The following RANBP17 variants were observed in gnomAD, a reference collection of about 807,000 sequenced individuals.
RANBP17 encodes RAN binding protein 17, also known as ran-binding protein 17.
RANBP17 carries 158 observed loss-of-function variants against 141.2 expected under a neutral mutation model. The ratio of observed to expected loss-of-function variants is 1.12; its 90% CI spans 0.98 to 1.28. The LOEUF is 1.28. Among genes scored for constraint, RANBP17 ranks in the 50% most tolerant of loss-of-function variants. The pLI is 0.00. For missense variants in RANBP17, 1,438 were observed against 1,290.7 expected (o/e 1.11, Z -1.75); for synonymous variants, 430 against 450.0 (o/e 0.96, Z 0.56).
chr5:171,155,767 A>G (rs529433589), intron 14 of RANBP17, among the ~76,000 whole-genome samples: 1 of 152,190 alleles, frequency 6.6e-6, no homozygotes, highest in Non-Finnish European at 1.5e-5. Context: ...TGTGCTTTGA[A>G]CATTGAAGCA....
At chr5:170,952,228 A>T (rs757382992) in intron 12 of RANBP17, among the ~76,000 whole-genome samples, 1 of 152,026 alleles carries the variant, frequency 6.6e-6, no homozygotes, top group Non-Finnish European at 1.5e-5. Context: ...AGCTTCCTAC[A>T]TGAAGTTTTT....
chr5:171,209,953 G>T (rs1168908447), intron 20 of RANBP17, among the ~76,000 whole-genome samples: 1 of 151,896 alleles, frequency 6.6e-6, no homozygotes. Context: ...TGGACGGACG[G>T]ACAGACGGAC....
In RANBP17 at chr5:171,055,478, T is replaced by C. The variant is rs183202211; in HGVS notation, c.1710+87101T>C. 2.6e-5 allele frequency among the ~76,000 whole-genome samples: 4 copies of C among 152,294 alleles called. No homozygotes were observed. The East Asian group carries it at 7.7e-4, about 29-fold the overall frequency. On this transcript the variant is annotated intron_variant, in intron 14 of 27. Coordinates refer to ENST00000523189, the MANE Select transcript of RANBP17 (RefSeq NM_022897.5). ...GATGTATTCTTATACTTGGCCTGAT[T>C]ATTTGTATAAAGTTCAGCAAGAATA...
At chr5:171,286,767 A>G (rs567483943) in intron 25 of RANBP17, among the ~76,000 whole-genome samples, 1 of 152,298 alleles carries the variant, frequency 6.6e-6, no homozygotes, top group South Asian at 2.1e-4. Context: ...AAACCCCCTT[A>G]CTTCCACAAA....
At chr5:171,200,466 G>T (rs1313981285) in intron 19 of RANBP17, among the ~76,000 whole-genome samples, 1 of 152,082 alleles carries the variant, frequency 6.6e-6, no homozygotes, top group Non-Finnish European at 1.5e-5. Flanking sequence ...GGAGGGGGAT[G>T]GGAAGCACAA....
rs537305070 is a variant in RANBP17, at chr5:170,916,493, C to T, written c.863C>T (p.Ser288Leu). 3.8e-6 allele frequency: 6 copies of T among 1,568,594 alleles called. No individual in the cohort carries two copies. In the South Asian group the frequency reaches 4.9e-5, roughly 13 times the overall value. The part of the protein sequence containing the change: ...LALSCLVQFA[S>L]TRRSLFNSPE... ...CTTTCATGTTTAGTTCAGTTTGCTTCGACAAGAAGGTCCTTATTTAACAGT... is the reference window on the plus strand; with the variant it reads ...CTTTCATGTTTAGTTCAGTTTGCTTTGACAAGAAGGTCCTTATTTAACAGT... Residue 288 changes from serine (S) to leucine (L), a missense_variant, in exon 9 of 28, where the codon TCG becomes TTG. By Grantham distance (145) the Ser-to-Leu change is moderately radical. Coordinates refer to ENST00000523189, the MANE Select transcript of RANBP17 (RefSeq NM_022897.5).
chr5:171,282,125 T>A (rs1286702792), intron 25 of RANBP17, among the ~76,000 whole-genome samples: 4 of 152,158 alleles, frequency 2.6e-5, no homozygotes, highest in Non-Finnish European at 1.5e-5. Flanking sequence ...CTATAAATAC[T>A]TGGAAGTTGT....
intron 14 of RANBP17, among the ~76,000 whole-genome samples, chr5:171,026,465 A>G (rs1380515128): frequency 6.6e-6 from 1 of 152,180 alleles, no homozygotes; most frequent in African/African-American, 2.4e-5. Flanking sequence ...TGCAATTTCT[A>G]ATTTTATCAC....
intron 12 of RANBP17, among the ~76,000 whole-genome samples, chr5:170,947,513 G>A (rs1774860719): frequency 6.6e-6 from 1 of 152,132 alleles, no homozygotes; most frequent in Admixed American, 6.6e-5. Flanking sequence ...GGGGGGGATT[G>A]TATTATCTAT....
At chr5:171,026,340 G>A (rs1781232655) in intron 14 of RANBP17, among the ~76,000 whole-genome samples, 2 of 152,164 alleles carry the variant, frequency 1.3e-5, no homozygotes, top group Admixed American at 6.5e-5. Flanking sequence ...CTTGCTCAGT[G>A]TACACAGTTA....
chr5:170,975,692 G>A (rs567579399), intron 14 of RANBP17, among the ~76,000 whole-genome samples: 1 of 152,012 alleles, frequency 6.6e-6, no homozygotes, highest in African/African-American at 2.4e-5. Flanking sequence ...CTCTCCCAAA[G>A]GCCCTCTCTC....
At chr5:171,113,286 C>T (rs774854426) in intron 14 of RANBP17, among the ~76,000 whole-genome samples, 3 of 152,062 alleles carry the variant, frequency 2.0e-5, no homozygotes, top group African/African-American at 7.2e-5. Context: ...AATTATTACC[C>T]GTGCTACTAC....
intron 12 of RANBP17, among the ~76,000 whole-genome samples, chr5:170,935,949 C>T (rs13173037): frequency 0.011 from 1,737 of 152,016 alleles, 14 homozygotes; most frequent in Non-Finnish European, 0.016. Context: ...CCACCCAGTT[C>T]GAGCTTTCTG....
intron 14 of RANBP17, among the ~76,000 whole-genome samples, chr5:171,054,095 T>A (rs1783181266): frequency 1.3e-5 from 2 of 151,896 alleles, no homozygotes; most frequent in African/African-American, 4.8e-5. Flanking sequence ...TTGCATAGAA[T>A]ATCCTTTTTT....
intron 14 of RANBP17, among the ~76,000 whole-genome samples, chr5:171,038,942 C>T (rs1287843555): frequency 2.0e-5 from 3 of 151,798 alleles, no homozygotes; most frequent in South Asian, 2.1e-4. Context: ...GTGTCTTTGC[C>T]AGGATGTACC....
intron 14 of RANBP17, among the ~76,000 whole-genome samples, chr5:171,124,235 A>G (rs1425863556): frequency 6.6e-6 from 1 of 152,088 alleles, no homozygotes; most frequent in Non-Finnish European, 1.5e-5. Flanking sequence ...AGCTTCAGCA[A>G]TACACTAGAT....
chr5:171,088,762 T>A (rs1785921957), intron 14 of RANBP17, among the ~76,000 whole-genome samples: 1 of 152,200 alleles, frequency 6.6e-6, no homozygotes, highest in African/African-American at 2.4e-5. Flanking sequence ...CATCGGCTCC[T>A]GAGGCTTCTG....
At chr5:170,877,222 C>T (rs1768256677) in intron 1 of RANBP17, among the ~76,000 whole-genome samples, 1 of 152,034 alleles carries the variant, frequency 6.6e-6, no homozygotes, top group African/African-American at 2.4e-5. Context: ...TCCTGCAGCA[C>T]TTTGAGTTGT....
intron 14 of RANBP17, among the ~76,000 whole-genome samples, chr5:171,115,358 A>T (rs1287560827): frequency 6.6e-6 from 1 of 152,180 alleles, no homozygotes; most frequent in East Asian, 1.9e-4. Context: ...TCATAAAACA[A>T]TGACTATTCT....
Sources: allele counts gnomAD v4.1 joint callset (sites outside exome capture counted in the v4.1 genomes callset), GRCh38; gene constraint gnomAD v4.1.1; transcripts MANE v1.5; gene names NCBI Gene and HGNC (gene_info 2026-07-23, HGNC 2026-07-21).